Variants in CNST observed in about 807,000 individuals in gnomAD.
CNST encodes consortin.
A neutral mutation model predicts 72.4 loss-of-function variants in CNST; 39 were observed. That is an observed-to-expected ratio of 0.54 (90% CI 0.42 to 0.70). The LOEUF (loss-of-function observed/expected upper bound fraction) is 0.70, where lower values mean the gene tolerates loss of function less well. Among genes scored for constraint, CNST ranks in the 30% least tolerant of loss-of-function variants. CNST has a pLI of 0.00. For synonymous variants in CNST, 332 were observed against 320.1 expected, an observed-to-expected ratio of 1.04 and a Z score of -0.40; for missense variants, 871 against 868.5, an observed-to-expected ratio of 1.00 and a Z score of -0.04.
intron 2 of CNST, among the ~76,000 whole-genome samples, chr1:246,599,670 G>T (rs191094559): frequency 3.3e-5 from 5 of 152,346 alleles, no homozygotes; most frequent in African/African-American, 9.6e-5. Context: ...CACTTTGGGA[G>T]GCTAAAGCGA....
chr1:246,651,993 G>T (rs574118096), intron 9 of CNST, among the ~76,000 whole-genome samples: 2 of 152,190 alleles, frequency 1.3e-5, no homozygotes, highest in Non-Finnish European at 2.9e-5. Flanking sequence ...TTTTTATGCA[G>T]ATGAAGCCTG....
chr1:246,607,449 T>C (rs1662946483), intron 2 of CNST: 2 of 152,164 alleles, frequency 1.3e-5, no homozygotes, highest in African/African-American at 4.8e-5. Flanking sequence ...CCACGGGTGA[T>C]TTTCGGGGGA....
At chr1:246,593,266 C>T (rs1354100725) in intron 2 of CNST, among the ~76,000 whole-genome samples, 2 of 151,514 alleles carry the variant, frequency 1.3e-5, no homozygotes, top group Non-Finnish European at 2.9e-5. Flanking sequence ...TTTCACGTCC[C>T]TGTATCTTTT....
rs560566268 is a variant in CNST, at chr1:246,577,553, G to A, written c.-52+10890G>A. ...TAAAACAATGAGTTTTAAAAATTTCGGTAAAGGTGGTCATAATTCTTACAG... is the reference window on the plus strand; with the variant it reads ...TAAAACAATGAGTTTTAAAAATTTCAGTAAAGGTGGTCATAATTCTTACAG... On this transcript the variant is annotated intron_variant, in intron 1 of 10. Coordinates refer to ENST00000366513, the MANE Select transcript of CNST (RefSeq NM_152609.3). 1.5e-3 allele frequency among the ~76,000 whole-genome samples: 223 copies of A among 152,056 alleles called. 1 individual carries two copies. The highest frequency in any genetic ancestry group is 3.7e-3 in the African/African-American group (152 of 41,386).
intron 8 of CNST, among the ~76,000 whole-genome samples, chr1:246,646,514 C>G (rs1235431486): frequency 1.3e-5 from 2 of 151,964 alleles, no homozygotes; most frequent in Non-Finnish European, 1.5e-5. Context: ...GAGTTTTGCT[C>G]TTGTTGCCCA....
At chr1:246,648,279 C>T (rs1368953576) in intron 9 of CNST, 10 of 1,214,924 alleles carry the variant, frequency 8.2e-6, no homozygotes, top group South Asian at 2.3e-5. Flanking sequence ...CTAGAGTGAG[C>T]GTTATTGTAT....
intron 2 of CNST, chr1:246,606,143 G>C (rs12754480): frequency 6.7e-6 from 1 of 149,410 alleles, no homozygotes; most frequent in Non-Finnish European, 1.5e-5. Flanking sequence ...CCATCGTGTC[G>C]TTGTAGCAGG....
intron 8 of CNST, among the ~76,000 whole-genome samples, chr1:246,643,286 T>C (rs1445911033): frequency 6.6e-6 from 1 of 152,172 alleles, no homozygotes; most frequent in Non-Finnish European, 1.5e-5. Context: ...TTGCCTGGGG[T>C]CAGTCCTACT....
At chr1:246,656,466 A>G (rs761763395) in intron 9 of CNST, among the ~76,000 whole-genome samples, 6 of 152,212 alleles carry the variant, frequency 3.9e-5, no homozygotes, top group Non-Finnish European at 7.3e-5. Context: ...TAACAATTAC[A>G]TTAATTATAG....
At chr1:246,649,711 T>G (rs1167782178) in intron 9 of CNST, among the ~76,000 whole-genome samples, 1 of 152,038 alleles carries the variant, frequency 6.6e-6, no homozygotes, top group East Asian at 1.9e-4. Context: ...AATCATATGG[T>G]GTGCCTTTTT....
At chr1:246,595,013 T>C (rs1473037450) in intron 2 of CNST, among the ~76,000 whole-genome samples, 1 of 152,168 alleles carries the variant, frequency 6.6e-6, no homozygotes, top group Non-Finnish European at 1.5e-5. Context: ...TCTATAGAGT[T>C]TTTATATTTT....
intron 2 of CNST, among the ~76,000 whole-genome samples, chr1:246,609,896 G>T (rs1255093883): frequency 6.6e-6 from 1 of 152,170 alleles, no homozygotes; most frequent in Non-Finnish European, 1.5e-5. Context: ...CTACAGTTCA[G>T]TGGCATTAAT....
rs750547728 is a variant in CNST at position 246,665,761 on chromosome 1, C to T, written c.2034C>T (p.Leu678=). Residue 678 remains leucine (L), a synonymous_variant, in exon 11 of 11, where the codon CTC becomes CTT. Transcript: ENST00000366513. ...LVLLCIATVF[L]SVGGTALYCT... is the part of the protein sequence containing the mutation. ...TGCTGTGCATAGCAACGGTTTTCCT[C>T]AGTGTTGGAGGAACTGCATTATACT... 1 of 1,613,916 alleles carries T rather than the reference C, an allele frequency of 6.2e-7. No homozygotes were observed. Among genetic ancestry groups the T allele is most frequent in the Admixed American group, 1.7e-5 (1 of 60,026 alleles).
At chr1:246,627,892 A>G (rs1365249495) in intron 3 of CNST, among the ~76,000 whole-genome samples, 1 of 151,736 alleles carries the variant, frequency 6.6e-6, no homozygotes. Flanking sequence ...CAGAACTCAT[A>G]GGATATTTAT....
chr1:246,627,159 A>G (rs149298223), intron 3 of CNST, among the ~76,000 whole-genome samples: 89 of 152,280 alleles, frequency 5.8e-4, no homozygotes, highest in African/African-American at 2.1e-3. Context: ...TTCTCTCTAC[A>G]TGACCGTCAC....
At chr1:246,622,909 C>T (rs533086260) in intron 3 of CNST, among the ~76,000 whole-genome samples, 2 of 152,180 alleles carry the variant, frequency 1.3e-5, no homozygotes, top group East Asian at 1.9e-4. Flanking sequence ...CTGTAATCTC[C>T]ACCTCCCAGA....
chr1:246,608,204 G>A (rs1170969686), intron 2 of CNST: 1 of 152,150 alleles, frequency 6.6e-6, no homozygotes, highest in South Asian at 2.1e-4. Context: ...AATTAGCTGG[G>A]CATGGTGGCA....
intron 4 of CNST, among the ~76,000 whole-genome samples, chr1:246,633,539 G>A (rs1324863871): frequency 6.6e-6 from 1 of 151,866 alleles, no homozygotes; most frequent in Non-Finnish European, 1.5e-5. Context: ...TGAGGAGTTC[G>A]AGACGAGCCT....
intron 8 of CNST, among the ~76,000 whole-genome samples, chr1:246,645,353 T>C (rs1665976606): frequency 1.3e-5 from 2 of 152,044 alleles, no homozygotes; most frequent in Non-Finnish European, 2.9e-5. Flanking sequence ...CATCATATTT[T>C]CTCTTTTATT....
Sources: allele counts gnomAD v4.1 joint callset (sites outside exome capture counted in the v4.1 genomes callset), GRCh38; gene constraint gnomAD v4.1.1; transcripts MANE v1.5; gene names NCBI Gene and HGNC (gene_info 2026-07-23, HGNC 2026-07-21).